INPP4B: variants seen among roughly 807,000 people sequenced by gnomAD.
INPP4B encodes inositol polyphosphate-4-phosphatase type II B.
A neutral mutation model predicts 122.5 loss-of-function variants in INPP4B; 55 were observed. That is an observed-to-expected ratio of 0.45 (90% CI 0.36 to 0.56). INPP4B has a LOEUF of 0.56. Among genes scored for constraint, INPP4B ranks in the 20% least tolerant of loss-of-function variants. The pLI, the probability that INPP4B is intolerant of heterozygous loss-of-function variation, is 0.00. For synonymous variants in INPP4B, 403 were observed against 388.7 expected (o/e 1.04, Z -0.43); for missense variants, 1,000 against 1,097.7 (o/e 0.91, Z 1.26).
At chr4:142,149,535 ACAAACTAAG>A (rs1812645216) in intron 17 of INPP4B, among the ~76,000 whole-genome samples, 2 of 152,192 alleles carry the variant, frequency 1.3e-5, no homozygotes, top group South Asian at 4.1e-4. Context: ...ACACAGTAGC[ACAAACTAAG>A]CAGAAAAAAA....
Position 142,027,030 on chromosome 4 carries a change from T to C in INPP4B, c.*1752A>G, listed in dbSNP as rs1737218481. On this transcript the variant is annotated 3_prime_UTR_variant, in exon 26 of 26. Coordinates refer to ENST00000262992, the MANE Select transcript of INPP4B (RefSeq NM_001101669.3). ...CAAATCCTACCATTTTCAAATGATATTGAACAACTCAAAGGTTGTATTTAA... is the reference window on the plus strand; with the variant it reads ...CAAATCCTACCATTTTCAAATGATACTGAACAACTCAAAGGTTGTATTTAA... 6.6e-6 allele frequency: 1 copy of C among 152,058 alleles called. No individual in the cohort carries two copies. 9.4% of individuals were successfully genotyped at this position (152,058 alleles called of 1,614,324 possible). A position where few individuals can be genotyped will look rare whatever the true frequency, so the allele number is the denominator to read the frequency against.
rs78804521 is a variant in INPP4B at position 142,739,642 on chromosome 4, A to G, written c.-253-13741T>C. Reference sequence around the variant, plus strand: ...CACCCCACGCATCCCACAAAGACAGACAGAAAGAGGAACATTAAGAGCCTA... The same window carrying G: ...CACCCCACGCATCCCACAAAGACAGGCAGAAAGAGGAACATTAAGAGCCTA... On this transcript the variant is annotated intron_variant, in intron 1 of 25. Transcript: ENST00000262992. 3.9e-5 allele frequency among the ~76,000 whole-genome samples: 6 copies of G among 152,178 alleles called. No homozygotes were observed. The East Asian group carries it at 9.6e-4, about 24-fold the overall frequency.
At chr4:142,701,433 G>A (rs530919937) in intron 2 of INPP4B, among the ~76,000 whole-genome samples, 1 of 151,480 alleles carries the variant, frequency 6.6e-6, no homozygotes, top group Non-Finnish European at 1.5e-5. Context: ...CACTCTAACT[G>A]GTGCAATCAG....
chr4:142,701,459 A>G (rs1418128544), intron 2 of INPP4B, among the ~76,000 whole-genome samples: 1 of 151,712 alleles, frequency 6.6e-6, no homozygotes, highest in Non-Finnish European at 1.5e-5. Context: ...CATGATCATC[A>G]GATACATGCT....
At chr4:142,416,762 G>A (rs1302269105) in intron 5 of INPP4B, among the ~76,000 whole-genome samples, 2 of 152,146 alleles carry the variant, frequency 1.3e-5, no homozygotes, top group Non-Finnish European at 2.9e-5. Context: ...GTGATTCTGT[G>A]TAGGCAAAAG....
rs1390171788 is a variant in INPP4B at position 142,028,779 on chromosome 4, A to AACTT, written c.2774_*2dup. On this transcript the variant is annotated 3_prime_UTR_variant, in exon 26 of 26. Transcript: ENST00000262992. ...GTTCCTGTTTATTAACATGTTGGTA[A>AACTT]ACTTAGGTGTCAGCTTTTCCATAAG... is the stretch of plus-strand genomic sequence containing the variant. 1.9e-6 allele frequency: 3 copies of AACTT among 1,605,690 alleles called. No homozygotes were observed. Among genetic ancestry groups the AACTT allele is most frequent in the Admixed American group, 1.7e-5 (1 of 57,714 alleles).
intron 12 of INPP4B, among the ~76,000 whole-genome samples, chr4:142,234,634 G>C (rs1277288077): frequency 6.6e-6 from 1 of 152,158 alleles, no homozygotes; most frequent in Admixed American, 6.5e-5. Context: ...ATACAGAAAA[G>C]GTATTGGAGA....
At chr4:142,476,404 T>G (rs953725722) in intron 2 of INPP4B, among the ~76,000 whole-genome samples, 1 of 152,116 alleles carries the variant, frequency 6.6e-6, no homozygotes, top group African/African-American at 2.4e-5. Context: ...CATAAACCAT[T>G]GACACTGTAA....
chr4:142,310,443 A>T (rs1424308988), intron 8 of INPP4B, among the ~76,000 whole-genome samples: 1 of 152,182 alleles, frequency 6.6e-6, no homozygotes, highest in African/African-American at 2.4e-5. Flanking sequence ...TTGAAAATTT[A>T]AAATTACATA....
At chr4:142,804,327 T>G (rs2151098697) in intron 1 of INPP4B, among the ~76,000 whole-genome samples, 1 of 152,314 alleles carries the variant, frequency 6.6e-6, no homozygotes, top group East Asian at 1.9e-4. Flanking sequence ...ATCTGGCACC[T>G]GCTGCGTCTG....
chr4:142,448,407 T>C (rs974349632), intron 3 of INPP4B, among the ~76,000 whole-genome samples: 1 of 150,764 alleles, frequency 6.6e-6, no homozygotes, highest in African/African-American at 2.4e-5. Flanking sequence ...AGTGAAGCAT[T>C]AAACTTGTTC....
chr4:142,652,446 G>A (rs1325644724), intron 2 of INPP4B, among the ~76,000 whole-genome samples: 1 of 152,136 alleles, frequency 6.6e-6, no homozygotes, highest in African/African-American at 2.4e-5. Context: ...GTTTGCAGAG[G>A]ACATGATTGT....
intron 1 of INPP4B, among the ~76,000 whole-genome samples, chr4:142,806,091 A>G (rs374065580): frequency 6.6e-6 from 1 of 151,930 alleles, no homozygotes; most frequent in Admixed American, 6.5e-5. Flanking sequence ...CATCCTGTCT[A>G]ACACGGTGAA....
chr4:142,735,279 C>T (rs1165405440), intron 1 of INPP4B, among the ~76,000 whole-genome samples: 2 of 152,014 alleles, frequency 1.3e-5, no homozygotes, highest in East Asian at 3.9e-4. Flanking sequence ...CAGGAAACAC[C>T]CAGTGTCAGA....
chr4:142,414,201 A>AT (rs944791512), intron 5 of INPP4B, among the ~76,000 whole-genome samples: 19 of 150,126 alleles, frequency 1.3e-4, no homozygotes, highest in Non-Finnish European at 2.4e-4. Context: ...AAAGTTTGTT[A>AT]TTTTTTTTAC....
At chr4:142,703,692 C>A (rs1281506447) in intron 2 of INPP4B, among the ~76,000 whole-genome samples, 1 of 152,004 alleles carries the variant, frequency 6.6e-6, no homozygotes, top group Non-Finnish European at 1.5e-5. Context: ...TTATTAGTAC[C>A]CCAAAGAATT....
At chr4:142,458,621 A>G (rs1156342949) in intron 3 of INPP4B, among the ~76,000 whole-genome samples, 1 of 152,136 alleles carries the variant, frequency 6.6e-6, no homozygotes, top group Non-Finnish European at 1.5e-5. Flanking sequence ...TAAAAAAAGG[A>G]GCAAACCAAT....
Position 142,642,572 on chromosome 4 carries a change from A to G in INPP4B, c.-191+83267T>C, listed in dbSNP as rs573905667. Among the ~76,000 whole-genome samples the G allele has an allele frequency of 6.1e-4, 93 of 152,226 alleles. No homozygotes were observed. The South Asian group carries it at 0.018, about 30-fold the overall frequency. On this transcript the variant is annotated intron_variant, in intron 2 of 25. Transcript: ENST00000262992. ...TTGTCAGGTTTGTCAAAGATCAGATAGTTGTAGATGTGTGGTATTATTTCT... is the reference window on the plus strand; with the variant it reads ...TTGTCAGGTTTGTCAAAGATCAGATGGTTGTAGATGTGTGGTATTATTTCT...
At chr4:142,259,593 A>AAAT in intron 11 of INPP4B, among the ~76,000 whole-genome samples, 1 of 149,954 alleles carries the variant, frequency 6.7e-6, no homozygotes, top group African/African-American at 2.4e-5. Context: ...AAAAAATATA[A>AAAT]AATAATAATA....
Sources: gnomAD v4.1 joint callset for allele counts (sites outside exome capture counted in the v4.1 genomes callset) on GRCh38, gnomAD v4.1.1 for gene constraint, MANE v1.5 for transcripts, NCBI Gene and HGNC (gene_info 2026-07-23, HGNC 2026-07-21) for gene names.